The following SYNE2 variants were observed in gnomAD, a reference collection of about 807,000 sequenced individuals.
SYNE2 encodes the protein spectrin repeat containing nuclear envelope protein 2, also known as nesprin-2.
A neutral mutation model predicts 856.3 loss-of-function variants in SYNE2; 431 were observed. That is an observed-to-expected ratio of 0.50 (90% CI 0.47 to 0.55). The LOEUF (loss-of-function observed/expected upper bound fraction) is 0.55, where lower values mean the gene tolerates loss of function less well. Ranked by LOEUF, SYNE2 falls within the 20% of genes least tolerant of loss-of-function variation. The pLI, the probability that SYNE2 is intolerant of heterozygous loss-of-function variation, is 0.00. For missense variants in SYNE2, 8,129 were observed against 8,023.2 expected (o/e 1.01, Z -0.50); for synonymous variants, 2,923 against 2,872.3 (o/e 1.02, Z -0.56).
chr14:63,888,342 A>G (rs891065161), intron 1 of SYNE2, among the ~76,000 whole-genome samples: 2 of 151,982 alleles, frequency 1.3e-5, no homozygotes, highest in Admixed American at 1.3e-4. Flanking sequence ...ACCGTCCTTC[A>G]CTGGCTAGCC....
At chr14:64,023,189 G>A (rs548290069) in intron 38 of SYNE2, 1 of 309,436 alleles carries the variant, frequency 3.2e-6, no homozygotes, top group South Asian at 3.4e-5. Context: ...GTAGTGAGCT[G>A]AGATCATGCC....
chr14:64,078,456 T>G lies in SYNE2; in HGVS notation c.11023-10T>G. 1 of 1,613,756 alleles carries G rather than the reference T, an allele frequency of 6.2e-7. No homozygotes were observed. The highest frequency in any genetic ancestry group is 1.1e-5 in the South Asian group (1 of 91,048). ...TCTCTAAGCCAAATGCGTCTTTGTC[T>G]CTTTCACAGATTAGCAATGAAGTCT... is the stretch of plus-strand genomic sequence containing the variant. On this transcript the variant is annotated splice_polypyrimidine_tract_variant and intron_variant, in intron 54 of 115. Transcript: ENST00000555002.
At position 64,055,515 on chromosome 14, in the gene SYNE2, C is replaced by T. The variant is rs371996761; in HGVS notation, c.9745-429C>T. 6.9e-4 allele frequency among the ~76,000 whole-genome samples: 104 copies of T among 151,738 alleles called. 1 individual carries two copies. In the East Asian group the frequency reaches 0.017, roughly 25 times the overall value. On this transcript the variant is annotated intron_variant, in intron 48 of 115. Coordinates refer to ENST00000555002, the MANE Select transcript of SYNE2 (RefSeq NM_182914.3). ...TCCTGAGTAGCTGGGACTACAGGCGCGCGCCACCACACCCAACTAATTTTT... is the reference window on the plus strand; with the variant it reads ...TCCTGAGTAGCTGGGACTACAGGCGTGCGCCACCACACCCAACTAATTTTT...
At chr14:63,791,669 C>T (rs1468564941) in intron 1 of SYNE2, among the ~76,000 whole-genome samples, 1 of 152,160 alleles carries the variant, frequency 6.6e-6, no homozygotes, top group African/African-American at 2.4e-5. Context: ...TAAGGCTGGA[C>T]GTGGTGGCTC....
chr14:63,951,071 A>G (rs939093354), intron 7 of SYNE2, among the ~76,000 whole-genome samples: 6 of 151,412 alleles, frequency 4.0e-5, no homozygotes, highest in South Asian at 2.1e-4. Context: ...TTACTTTTCC[A>G]TTTTAAGCAG....
chr14:64,192,825 G>A (rs1348764521), intron 99 of SYNE2, among the ~76,000 whole-genome samples: 1 of 152,202 alleles, frequency 6.6e-6, no homozygotes, highest in Non-Finnish European at 1.5e-5. Flanking sequence ...ACACTGAAAT[G>A]AGCAGTACGT....
rs767178053 is a variant in SYNE2, at chr14:63,915,776, G to A, written c.79+6549G>A. Among the ~76,000 whole-genome samples, 18 of 152,116 alleles carry A rather than the reference G, an allele frequency of 1.2e-4. 1 individual carries two copies. Among genetic ancestry groups the A allele is most frequent in the Non-Finnish European group, 2.4e-4 (16 of 68,018 alleles). On this transcript the variant is annotated intron_variant, in intron 2 of 115. Transcript: ENST00000555002. ...AGGTATCCTTACTTCGTAGGGTTCA[G>A]TAGTGAAACGTGAGTCTCTGTAGTT... is the stretch of plus-strand genomic sequence containing the variant.
At chr14:63,872,471 A>T (rs1897082717) in intron 1 of SYNE2, among the ~76,000 whole-genome samples, 1 of 150,386 alleles carries the variant, frequency 6.6e-6, no homozygotes, top group Admixed American at 6.6e-5. Context: ...CAAGAGTCTA[A>T]TTGGCTGGGC....
chr14:63,924,834 G>GTTTTT (rs1160819887), intron 2 of SYNE2, among the ~76,000 whole-genome samples: 28 of 56,450 alleles, frequency 5.0e-4, no homozygotes, highest in African/African-American at 1.1e-3. Context: ...CAGCCTTGGT[G>GTTTTT]TTTTTTTTTT....
intron 79 of SYNE2, among the ~76,000 whole-genome samples, chr14:64,138,200 T>TTTTTCTTTTC (rs150940325): frequency 1.3e-4 from 20 of 151,646 alleles, no homozygotes; most frequent in South Asian, 6.3e-4. Context: ...CTGTGATCGT[T>TTTTTCTTTTC]TTTTCTTTTC....
chr14:63,762,726 T>C (rs557358123), intron 1 of SYNE2, among the ~76,000 whole-genome samples: 1 of 151,400 alleles, frequency 6.6e-6, no homozygotes, highest in Non-Finnish European at 1.5e-5. Context: ...TGAGCTACCA[T>C]GCATGGCCAG....
rs147628275 is a variant in SYNE2, at chr14:64,186,639, CCAGA to C, written c.17712+63_17712+66del. 2.6e-3 allele frequency: 4,230 copies of C among 1,608,292 alleles called. 81 individuals carry two copies. The African/African-American group carries it at 0.046, about 18-fold the overall frequency. On this transcript the variant is annotated intron_variant, in intron 97 of 115. Coordinates refer to ENST00000555002, the MANE Select transcript of SYNE2 (RefSeq NM_182914.3). ...GAGTGGATTGAAATGTCTCTGAAGG[CCAGA>C]CAAAGTAGAAAGGAGCTTAATTTCA...
chr14:63,963,685 C>T (rs1214961628), intron 9 of SYNE2, among the ~76,000 whole-genome samples: 2 of 152,082 alleles, frequency 1.3e-5, no homozygotes, highest in Non-Finnish European at 1.5e-5. Context: ...GTTGCTTGCC[C>T]ATTTCTTTAG....
intron 1 of SYNE2, among the ~76,000 whole-genome samples, chr14:63,908,180 A>C (rs1447770832): frequency 1.3e-5 from 2 of 152,192 alleles, no homozygotes; most frequent in Non-Finnish European, 2.9e-5. Context: ...TTTATTATGC[A>C]AAATTTCTAG....
chr14:64,018,566 T>C (rs1395082343), intron 34 of SYNE2, among the ~76,000 whole-genome samples: 1 of 152,164 alleles, frequency 6.6e-6, no homozygotes, highest in African/African-American at 2.4e-5. Context: ...TAAAGGGCCA[T>C]ATAGTAAATA....
chr14:63,941,995 A>AGAG, intron 5 of SYNE2, 33 bp downstream of exon 5: 1 of 1,601,548 alleles, frequency 6.2e-7, no homozygotes. Flanking sequence ...AATTCACAGG[A>AGAG]GAGATTAATG....
chr14:64,044,968 T>C (rs1301763771), intron 45 of SYNE2, among the ~76,000 whole-genome samples: 1 of 152,194 alleles, frequency 6.6e-6, no homozygotes, highest in Non-Finnish European at 1.5e-5. Flanking sequence ...ATATTTTATA[T>C]TTTAAAATAA....
At chr14:63,935,171 G>A (rs767190024) in intron 2 of SYNE2, among the ~76,000 whole-genome samples, 15 of 152,192 alleles carry the variant, frequency 9.9e-5, no homozygotes, top group East Asian at 1.9e-4. Flanking sequence ...GAATTACTTC[G>A]TTGAGAGAAA....
At chr14:63,850,551 C>G (rs1363191280), upstream of SYNE2, among the ~76,000 whole-genome samples, 3 of 147,992 alleles carry the variant, frequency 2.0e-5, no homozygotes, top group Non-Finnish European at 4.5e-5. Context: ...CTAGGTATGT[C>G]TCAGTTTGGC....
Sources: allele counts gnomAD v4.1 joint callset (sites outside exome capture counted in the v4.1 genomes callset), GRCh38; gene constraint gnomAD v4.1.1; transcripts MANE v1.5; gene names NCBI Gene and HGNC (gene_info 2026-07-23, HGNC 2026-07-21).